FAM174B: variants seen among roughly 807,000 people sequenced by gnomAD.
FAM174B encodes the protein membrane protein FAM174B.
In FAM174B, 12 loss-of-function variants were observed where a neutral mutation model predicts 10.9. The observed-to-expected ratio is 1.10, with a 90% CI of 0.71 to 1.79. FAM174B has a LOEUF of 1.79. FAM174B is among the 40% of genes most tolerant of loss of function. The pLI, the probability that FAM174B is intolerant of heterozygous loss-of-function variation, is 0.00. For missense variants in FAM174B, 266 were observed against 233.3 expected (o/e 1.14, Z -0.91); for synonymous variants, 132 against 115.8 (o/e 1.14, Z -0.90).
chr15:92,643,393 A>ACACTCACTT (rs1282806984), intron 1 of FAM174B, among the ~76,000 whole-genome samples: 2 of 96,306 alleles, frequency 2.1e-5, no homozygotes, highest in East Asian at 6.5e-4. Context: ...TGTATATATT[A>ACACTCACTT]CACTCACTTG....
chr15:92,617,651 C>T lies in FAM174B; in HGVS notation c.*1805G>A. 1.5e-6 allele frequency: 1 copy of T among 668,708 alleles called. No homozygotes were observed. Among genetic ancestry groups the T allele is most frequent in the Non-Finnish European group, 2.7e-6 (1 of 373,532 alleles). The allele number at this position is 668,708 out of a possible 1,614,324, so 41.4% of individuals were successfully genotyped here. ...CAGTTGTCGAAAACCCTGTGTGAGC[C>T]AGCAGTTCCAGTTCAAAGGTTGAGG... On this transcript the variant is annotated 3_prime_UTR_variant, in exon 3 of 3. Coordinates refer to ENST00000327355, the MANE Select transcript of FAM174B (RefSeq NM_207446.3).
At chr15:92,631,169 A>AC (rs1248361037) in intron 1 of FAM174B, among the ~76,000 whole-genome samples, 1,147 of 27,772 alleles carry the variant, frequency 0.041, 460 homozygotes, top group Non-Finnish European at 0.074. Context: ...ATTATATAAT[A>AC]ATTTATATAT....
chr15:92,652,495 C>T (rs2050972870), intron 1 of FAM174B, among the ~76,000 whole-genome samples: 1 of 152,224 alleles, frequency 6.6e-6, no homozygotes, highest in Non-Finnish European at 1.5e-5. Flanking sequence ...GGAGGCAGCA[C>T]CCTGATCTGA....
chr15:92,619,675 C>G (rs2050706078), intron 2 of FAM174B: 15 of 602,782 alleles, frequency 2.5e-5, no homozygotes, highest in Admixed American at 1.5e-4. Context: ...ATCCCTCCCC[C>G]AGCTCCCCAC....
intron 1 of FAM174B, among the ~76,000 whole-genome samples, chr15:92,635,612 G>C (rs1331301639): frequency 7.9e-5 from 11 of 140,096 alleles, no homozygotes; most frequent in Non-Finnish European, 1.5e-4. Context: ...ACAGAGTCTC[G>C]CTCTGTAGCC....
chr15:92,630,735 T>A (rs967788600), intron 1 of FAM174B, among the ~76,000 whole-genome samples: 1 of 117,312 alleles, frequency 8.5e-6, no homozygotes, highest in African/African-American at 3.5e-5. Flanking sequence ...ATTATATAAT[T>A]ATATATTTTT....
rs575578122 is a variant in FAM174B, at chr15:92,652,255, G to A, written c.344+3061C>T. Among the ~76,000 whole-genome samples the A allele has an allele frequency of 6.0e-4, 91 of 152,338 alleles. 1 individual carries two copies. The highest frequency in any genetic ancestry group is 2.0e-3 in the African/African-American group (84 of 41,566). On this transcript the variant is annotated intron_variant, in intron 1 of 2. Coordinates refer to ENST00000327355, the MANE Select transcript of FAM174B (RefSeq NM_207446.3). ...TGAAGAGGGAATTCAAAAATCGAGT[G>A]TGCTTTGGAAGCACAGAGGGGCCCT...
intron 1 of FAM174B, among the ~76,000 whole-genome samples, chr15:92,634,962 C>G (rs1168007181): frequency 2.0e-5 from 3 of 152,198 alleles, no homozygotes; most frequent in Non-Finnish European, 4.4e-5. Flanking sequence ...CACATCGGCT[C>G]TTTGTGAGTC....
intron 1 of FAM174B, among the ~76,000 whole-genome samples, chr15:92,636,735 C>A (rs990447875): frequency 1.3e-5 from 2 of 152,176 alleles, no homozygotes; most frequent in African/African-American, 2.4e-5. Context: ...CCAGCTGAGA[C>A]CTCCCCAACA....
chr15:92,652,989 T>C (rs1334975073), intron 1 of FAM174B: 1 of 152,398 alleles, frequency 6.6e-6, no homozygotes, highest in African/African-American at 2.4e-5. Context: ...TAGCAATGAC[T>C]TATTCCACTT....
intron 1 of FAM174B, chr15:92,655,000 T>G (rs1036175151): frequency 4.5e-5 from 10 of 222,796 alleles, no homozygotes; most frequent in Non-Finnish European, 8.7e-5. Context: ...AAATAAATTA[T>G]GGGAAACGCT....
intron 1 of FAM174B, among the ~76,000 whole-genome samples, chr15:92,633,654 T>C (rs2050834049): frequency 6.6e-6 from 1 of 152,108 alleles, no homozygotes; most frequent in Non-Finnish European, 1.5e-5. Flanking sequence ...AGCCTGGTGA[T>C]AAGAGGATAA....
At chr15:92,634,706 C>T (rs1312599224) in intron 1 of FAM174B, 1 of 152,230 alleles carries the variant, frequency 6.6e-6, no homozygotes, top group African/African-American at 2.4e-5. Flanking sequence ...GAGTGGGCCA[C>T]AGGGTGCCCA....
At position 92,619,590 on chromosome 15, in the gene FAM174B, T is replaced by C. The variant is rs1179676231; in HGVS notation, c.477-131A>G. On this transcript the variant is annotated intron_variant, in intron 2 of 2. Transcript: ENST00000327355. Reference sequence around the variant, plus strand: ...GGCCACAGTCCCCAGCCACAGGACCTTTGAGCGTGCTGTCTGGAAGGCGCA... The same window carrying C: ...GGCCACAGTCCCCAGCCACAGGACCCTTGAGCGTGCTGTCTGGAAGGCGCA... 4 of 1,034,710 alleles carry C rather than the reference T, an allele frequency of 3.9e-6. No homozygotes were observed. The African/African-American group carries it at 6.5e-5, about 17-fold the overall frequency. The allele number at this position is 1,034,710 out of a possible 1,614,324, so 64.1% of individuals were successfully genotyped here. A position where few individuals can be genotyped will look rare whatever the true frequency, so the allele number is the denominator to read the frequency against.
chr15:92,640,743 A>T (rs1414233688), intron 1 of FAM174B, among the ~76,000 whole-genome samples: 2 of 151,846 alleles, frequency 1.3e-5, no homozygotes, highest in Non-Finnish European at 2.9e-5. Context: ...CTCCCAGGTT[A>T]AAGTGTTTAT....
intron 1 of FAM174B, among the ~76,000 whole-genome samples, chr15:92,633,196 G>A (rs1487690972): frequency 6.6e-6 from 1 of 152,176 alleles, no homozygotes; most frequent in Non-Finnish European, 1.5e-5. Flanking sequence ...TTCCCGAGTG[G>A]AGACCACATC....
At chr15:92,642,437 C>T (rs2050897766) in intron 1 of FAM174B, among the ~76,000 whole-genome samples, 1 of 152,178 alleles carries the variant, frequency 6.6e-6, no homozygotes, top group South Asian at 2.1e-4. Context: ...TTGGCTGTGT[C>T]CCCACCCAAA....
chr15:92,645,875 CCTT>C (rs1286715001), intron 1 of FAM174B, among the ~76,000 whole-genome samples: 9 of 152,152 alleles, frequency 5.9e-5, no homozygotes, highest in Non-Finnish European at 1.2e-4. Flanking sequence ...ACCACCCACT[CCTT>C]CTAGGCAGAT....
At chr15:92,620,114 G>C (rs980911410) in intron 2 of FAM174B, 1 of 152,516 alleles carries the variant, frequency 6.6e-6, no homozygotes, top group African/African-American at 2.4e-5. Flanking sequence ...AGTAGTGTTG[G>C]TCTCTTGCTT....
Sources: gnomAD v4.1 joint callset for allele counts (sites outside exome capture counted in the v4.1 genomes callset) on GRCh38, gnomAD v4.1.1 for gene constraint, MANE v1.5 for transcripts, NCBI Gene and HGNC (gene_info 2026-07-23, HGNC 2026-07-21) for gene names.